Variants in GPRC5B observed in about 807,000 individuals in gnomAD.
GPRC5B encodes the protein G protein-coupled receptor class C group 5 member B.
Under a neutral mutation model 30.1 loss-of-function variants are expected in GPRC5B, and 16 were observed. The ratio of observed to expected loss-of-function variants is 0.53; its 90% CI spans 0.36 to 0.81. The LOEUF (loss-of-function observed/expected upper bound fraction) is 0.81. Among genes scored for constraint, GPRC5B ranks in the 30% least tolerant of loss-of-function variants. The pLI is 0.01. For missense variants in GPRC5B, 428 were observed against 544.7 expected (o/e 0.79, Z 2.13); for synonymous variants, 241 against 239.5 (o/e 1.01, Z -0.06).
chr16:19,869,188 G>T (rs1195056027), intron 2 of GPRC5B, among the ~76,000 whole-genome samples: 1 of 151,980 alleles, frequency 6.6e-6, no homozygotes, highest in Non-Finnish European at 1.5e-5. Context: ...AATTAGCCAG[G>T]CGTGATGGCA....
At position 19,861,087 on chromosome 16, in the gene GPRC5B, T is replaced by TAAAAAAAAAAAAAAAAA. The variant is rs3067833; in HGVS notation, c.1168-560_1168-544dup. On this transcript the variant is annotated intron_variant, in intron 3 of 3. Coordinates refer to ENST00000300571, the MANE Select transcript of GPRC5B (RefSeq NM_016235.3). ...GATCAAAGACCATCCCTGATTTACA[T>TAAAAAAAAAAAAAAAAA]AAAAAAAAAAAAAAAAAGAAGAATG... Among the ~76,000 whole-genome samples, 214 of 93,324 alleles carry TAAAAAAAAAAAAAAAAA rather than the reference T, an allele frequency of 2.3e-3. 16 individuals are homozygous for TAAAAAAAAAAAAAAAAA. Among genetic ancestry groups the TAAAAAAAAAAAAAAAAA allele is most frequent in the African/African-American group, 9.4e-3 (192 of 20,456 alleles). 61.2% of individuals were successfully genotyped at this position (93,324 alleles called of 152,430 possible).
At chr16:19,874,811 G>A (rs533197852) in intron 1 of GPRC5B, 1 of 151,328 alleles carries the variant, frequency 6.6e-6, no homozygotes, top group Non-Finnish European at 1.5e-5. Context: ...GAATGAATGA[G>A]AAACATAGTG....
At chr16:19,879,798 G>A (rs1464195110) in intron 1 of GPRC5B, among the ~76,000 whole-genome samples, 1 of 152,072 alleles carries the variant, frequency 6.6e-6, no homozygotes, top group African/African-American at 2.4e-5. Flanking sequence ...GGTTTAGGAC[G>A]GTAGTTAATG....
rs776782115 is a variant in GPRC5B, at chr16:19,872,808, T to C, written c.38A>G (p.Gln13Arg). 5.8e-5 allele frequency: 93 copies of C among 1,613,628 alleles called. No homozygotes were observed. The highest frequency in any genetic ancestry group is 7.5e-5 in the Non-Finnish European group (88 of 1,179,860). The change falls in exon 2 of 4, where the codon CAG becomes CGG. Residue 13 changes from glutamine to arginine, a missense_variant. Coordinates refer to ENST00000300571, the MANE Select transcript of GPRC5B (RefSeq NM_016235.3). This position sits in a 1 kb window ranked among gnomAD's most constrained non-coding sequence, Gnocchi z 5.0. ...VASERKMRAH[Q>R]VLTFLLLFVI... ...GAAGAGCAGGAGGAAGGTGAGCACC[T>C]GGTGAGCTCTCATCTTTCTCTCTGA...
At position 19,858,770 on chromosome 16, in the gene GPRC5B, C is replaced by T. The variant is rs2056595471; in HGVS notation, c.*1730G>A. On this transcript the variant is annotated 3_prime_UTR_variant, in exon 4 of 4. Transcript: ENST00000300571. ...AGCAAGCACATGCTCTGGGCAGAGG[C>T]GGGGTGCTTCCGGGGAGGTCAGGTG... 5.0e-6 allele frequency: 2 copies of T among 397,654 alleles called. No individual in the cohort carries two copies. The highest frequency in any genetic ancestry group is 8.9e-6 in the Non-Finnish European group (2 of 225,714). 24.6% of individuals were successfully genotyped at this position (397,654 alleles called of 1,614,324 possible).
upstream of GPRC5B, chr16:19,884,969 C>T (rs1295552056): frequency 5.2e-6 from 4 of 763,346 alleles, no homozygotes; most frequent in South Asian, 1.1e-4. Flanking sequence ...CCGAGCCCCA[C>T]CCCCGGTCCC....
intron 1 of GPRC5B, among the ~76,000 whole-genome samples, chr16:19,883,498 C>G (rs957964046): frequency 2.0e-5 from 3 of 152,268 alleles, no homozygotes; most frequent in Non-Finnish European, 4.4e-5. Context: ...GAGTCCCCAC[C>G]GAAGAAACTT....
At chr16:19,885,623 T>G, upstream of GPRC5B, 1 of 1,010,214 alleles carries the variant, frequency 9.9e-7, no homozygotes, top group African/African-American at 1.7e-5. This position sits in a 1 kb window ranked among gnomAD's most constrained non-coding sequence, Gnocchi z 5.3. Flanking sequence ...TCCACTGCCC[T>G]TCAGGGCTCA....
At chr16:19,862,512 G>A (rs2056634682) in intron 2 of GPRC5B, among the ~76,000 whole-genome samples, 1 of 152,156 alleles carries the variant, frequency 6.6e-6, no homozygotes, top group South Asian at 2.1e-4. Context: ...TCTGAAAGAT[G>A]GGTAAAACCG....
At chr16:19,880,428 T>TAAATAAAATAAAATAAAATAAAATAAATA (rs2056797597) in intron 1 of GPRC5B, among the ~76,000 whole-genome samples, 1 of 139,296 alleles carries the variant, frequency 7.2e-6, no homozygotes, top group Admixed American at 7.3e-5. Context: ...GTCTCTGTTA[T>TAAATAAAATAAAATAAAATAAAATAAATA]AAATAAAATA....
At chr16:19,873,567 C>T (rs982096280) in intron 1 of GPRC5B, among the ~76,000 whole-genome samples, 2 of 151,912 alleles carry the variant, frequency 1.3e-5, no homozygotes, top group African/African-American at 4.8e-5. Context: ...ATGAGTGGCA[C>T]ACATTACCTG....
chr16:19,862,833 C>T (rs1234646398), intron 2 of GPRC5B, among the ~76,000 whole-genome samples: 1 of 152,182 alleles, frequency 6.6e-6, no homozygotes, highest in East Asian at 1.9e-4. Context: ...ACAAGAATCG[C>T]TTGAACCCGG....
At chr16:19,877,234 A>T (rs188770490) in intron 1 of GPRC5B, among the ~76,000 whole-genome samples, 22 of 152,328 alleles carry the variant, frequency 1.4e-4, no homozygotes, top group Admixed American at 4.6e-4. Context: ...TCCGGCAGCC[A>T]GTTAACTCCC....
chr16:19,858,038 T>G lies in GPRC5B; in HGVS notation c.*2462A>C, dbSNP rs904565181. 1 of 154,124 alleles carries G rather than the reference T, an allele frequency of 6.5e-6. No individual in the cohort carries two copies. Among genetic ancestry groups the G allele is most frequent in the Non-Finnish European group, 1.4e-5 (1 of 69,464 alleles). The allele number at this position is 154,124 out of a possible 1,614,324, so 9.5% of individuals were successfully genotyped here. A position where few individuals can be genotyped will look rare whatever the true frequency, so the allele number is the denominator to read the frequency against. On this transcript the variant is annotated 3_prime_UTR_variant, in exon 4 of 4. Transcript: ENST00000300571. ...TGATCACAGATGCTCTCCTCCCGGG[T>G]CGTTTTCCCCAAACGAGTCTTGTTT...
rs1361411115 is a variant in GPRC5B at position 19,872,723 on chromosome 16, G to A, written c.123C>T (p.Leu41=). The A allele has an allele frequency of 1.2e-6, 2 of 1,613,764 alleles. No individual in the cohort carries two copies. The highest frequency in any genetic ancestry group is 1.1e-5 in the South Asian group (1 of 91,088). The change falls in exon 2 of 4, where the codon CTC becomes CTT. Residue 41 remains leucine, a synonymous_variant. Coordinates refer to ENST00000300571, the MANE Select transcript of GPRC5B (RefSeq NM_016235.3). This position sits in a 1 kb window ranked among gnomAD's most constrained non-coding sequence, Gnocchi z 5.0. ...CGCACAGGGACACGTACTGAGGGAG[G>A]AGGTCCAGCCCACAGCCTCGGGATG... The part of the protein sequence containing the change: ...ASTSRGCGLD[L]LPQYVSLCDL...
upstream of GPRC5B, chr16:19,884,977 C>T: frequency 9.6e-6 from 7 of 729,926 alleles, no homozygotes; most frequent in Non-Finnish European, 1.2e-5. Context: ...CACCCCCGGT[C>T]CCGCCGGCGG....
intron 1 of GPRC5B, among the ~76,000 whole-genome samples, chr16:19,874,034 C>T (rs1169506226): frequency 2.6e-5 from 4 of 152,100 alleles, no homozygotes; most frequent in South Asian, 2.1e-4. Context: ...CCACCCGCCT[C>T]GGCCTCCCAA....
At chr16:19,883,620 G>A (rs1183668890) in intron 1 of GPRC5B, among the ~76,000 whole-genome samples, 1 of 152,234 alleles carries the variant, frequency 6.6e-6, no homozygotes, top group Admixed American at 6.5e-5. Context: ...CTGTTCAGGT[G>A]CCCCCCGGCC....
intron 2 of GPRC5B, among the ~76,000 whole-genome samples, chr16:19,865,617 A>T (rs949457711): frequency 2.0e-5 from 3 of 152,240 alleles, no homozygotes; most frequent in Admixed American, 6.5e-5. Flanking sequence ...TCTTTAACCC[A>T]CATTTAGAAA....
Sources: allele counts gnomAD v4.1 joint callset (sites outside exome capture counted in the v4.1 genomes callset), GRCh38; gene constraint gnomAD v4.1.1; non-coding constraint Gnocchi (gnomAD v3.1); transcripts MANE v1.5; gene names NCBI Gene and HGNC (gene_info 2026-07-23, HGNC 2026-07-21).